NR6A1: variants seen among roughly 807,000 people sequenced by gnomAD.
NR6A1 encodes nuclear receptor subfamily 6 group A member 1.
Under a neutral mutation model 59.1 loss-of-function variants are expected in NR6A1, and 7 were observed. The ratio of observed to expected loss-of-function variants is 0.12; its 90% CI spans 0.07 to 0.22. The LOEUF (loss-of-function observed/expected upper bound fraction) is 0.22, where lower values mean the gene tolerates loss of function less well. Among genes scored for constraint, NR6A1 ranks in the 10% least tolerant of loss-of-function variants. NR6A1 has a pLI of 1.00. For missense variants in NR6A1, 468 were observed against 611.6 expected (o/e 0.77, Z 2.48); for synonymous variants, 243 against 236.1 (o/e 1.03, Z -0.27).
At chr9:124,735,464 T>C (rs932299168) in intron 1 of NR6A1, among the ~76,000 whole-genome samples, 6 of 152,214 alleles carry the variant, frequency 3.9e-5, no homozygotes, top group Admixed American at 3.9e-4. Flanking sequence ...TGGAAGGTGC[T>C]GAAATGCAGG....
chr9:124,566,960 T>C (rs568172061), intron 2 of NR6A1, among the ~76,000 whole-genome samples: 68 of 151,650 alleles, frequency 4.5e-4, no homozygotes, highest in Non-Finnish European at 7.2e-4. Flanking sequence ...TACAAAAAAT[T>C]AGCCGGGCGT....
intron 2 of NR6A1, chr9:124,599,172 G>A: frequency 1.8e-6 from 1 of 562,772 alleles, no homozygotes; most frequent in South Asian, 1.7e-5. Context: ...GCCGGGGGCG[G>A]TGGCTCACTC....
chr9:124,586,957 T>C (rs976062320), intron 2 of NR6A1, among the ~76,000 whole-genome samples: 2 of 152,246 alleles, frequency 1.3e-5, no homozygotes, highest in African/African-American at 4.8e-5. Context: ...AATAAAATGC[T>C]ATTAAACAGC....
chr9:124,582,118 G>A (rs969915089), intron 2 of NR6A1, among the ~76,000 whole-genome samples: 4 of 152,120 alleles, frequency 2.6e-5, no homozygotes, highest in Admixed American at 2.6e-4. Flanking sequence ...AAAGACATAT[G>A]TACATGTACA....
At chr9:124,735,768 C>T (rs1456693854) in intron 1 of NR6A1, among the ~76,000 whole-genome samples, 3 of 152,104 alleles carry the variant, frequency 2.0e-5, no homozygotes, top group Non-Finnish European at 4.4e-5. Flanking sequence ...GTTCTGGAGC[C>T]GTGAAGTCCA....
At chr9:124,764,183 C>CAAA (rs199757295) in intron 1 of NR6A1, among the ~76,000 whole-genome samples, 1 of 117,724 alleles carries the variant, frequency 8.5e-6, no homozygotes, top group Non-Finnish European at 1.9e-5. Flanking sequence ...GACTCCATCA[C>CAAA]AAAAAAAAAA....
intron 2 of NR6A1, among the ~76,000 whole-genome samples, chr9:124,689,574 T>A (rs899824489): frequency 1.3e-5 from 2 of 152,210 alleles, no homozygotes; most frequent in Admixed American, 6.5e-5. Flanking sequence ...CTTATTGGAT[T>A]TTCATGGCTG....
At chr9:124,703,817 T>C (rs1371049274) in intron 2 of NR6A1, among the ~76,000 whole-genome samples, 1 of 135,572 alleles carries the variant, frequency 7.4e-6, no homozygotes, top group Non-Finnish European at 1.6e-5. Flanking sequence ...GGATTAGTAT[T>C]ATTGCTTCCT....
intron 1 of NR6A1, among the ~76,000 whole-genome samples, chr9:124,745,378 T>C (rs566718702): frequency 6.2e-4 from 94 of 152,180 alleles, no homozygotes; most frequent in African/African-American, 2.3e-3. Flanking sequence ...AAACATACAT[T>C]AAAAAAATCC....
At chr9:124,550,375 A>ATTTTTTTTT (rs58594452) in intron 3 of NR6A1, among the ~76,000 whole-genome samples, 49 of 117,590 alleles carry the variant, frequency 4.2e-4, no homozygotes, top group Non-Finnish European at 4.9e-4. Context: ...CTAATGGTGA[A>ATTTTTTTTT]TTTTTTTTTT....
chr9:124,555,309 C>A (rs552844755), intron 2 of NR6A1, among the ~76,000 whole-genome samples: 1 of 152,096 alleles, frequency 6.6e-6, no homozygotes, highest in South Asian at 2.1e-4. Context: ...AGCAGGCACA[C>A]GACAAAAAAG....
chr9:124,643,101 T>TA (rs1554738785), intron 2 of NR6A1, among the ~76,000 whole-genome samples: 3 of 31,268 alleles, frequency 9.6e-5, no homozygotes, highest in East Asian at 5.5e-4. Context: ...AGCCCTCGGG[T>TA]GGGGGGGGGG....
chr9:124,669,722 G>A (rs113219007), intron 2 of NR6A1, among the ~76,000 whole-genome samples: 40 of 152,122 alleles, frequency 2.6e-4, no homozygotes, highest in Non-Finnish European at 4.7e-4. Context: ...AGAGGAATTC[G>A]AGTAGCTAAG....
chr9:124,763,085 T>C (rs1240395578), intron 1 of NR6A1, among the ~76,000 whole-genome samples: 2 of 152,196 alleles, frequency 1.3e-5, no homozygotes, highest in African/African-American at 2.4e-5. Flanking sequence ...GATCACAACA[T>C]AATCACACAA....
In NR6A1 at chr9:124,540,085, T is replaced by A; in HGVS notation, c.544A>T (p.Asn182Tyr). The change falls in exon 5 of 10, where the codon AAC (asparagine) becomes TAC (tyrosine). Residue 182 changes from asparagine (N) to tyrosine (Y), a missense_variant. Around this residue, in one of 4 missense-constraint regions of NR6A1, gnomAD observed 151 missense variants for 142.8 expected, o/e 1.06. Transcript: ENST00000487099. ...HGDSDHSSPG[N>Y]RASESNQPSP... is the part of the protein sequence containing the mutation. The stretch of plus-strand genomic sequence containing the variant: ...GGCTGGTTGCTCTCCGAAGCCCTGT[T>A]CCCAGGGGAACTGTGGTCACTATCA... The A allele has an allele frequency of 6.2e-7, 1 of 1,613,542 alleles. No individual in the cohort carries two copies. The highest frequency in any genetic ancestry group is 8.5e-7 in the Non-Finnish European group (1 of 1,179,882).
At chr9:124,584,872 G>C (rs1029012556) in intron 2 of NR6A1, among the ~76,000 whole-genome samples, 2 of 152,166 alleles carry the variant, frequency 1.3e-5, no homozygotes, top group African/African-American at 4.8e-5. Context: ...AGGAAGGCAC[G>C]TCAAAAGCAA....
At chr9:124,724,094 T>C (rs968146411) in intron 2 of NR6A1, among the ~76,000 whole-genome samples, 2 of 152,354 alleles carry the variant, frequency 1.3e-5, no homozygotes, top group East Asian at 3.9e-4. Context: ...TGAAATATCC[T>C]TCCGTTAAAA....
At chr9:124,570,614 G>A (rs1420145391) in intron 2 of NR6A1, among the ~76,000 whole-genome samples, 1 of 151,582 alleles carries the variant, frequency 6.6e-6, no homozygotes, top group Non-Finnish European at 1.5e-5. Flanking sequence ...TAGAAACTAA[G>A]CTGTTATTTG....
chr9:124,598,752 AC>A (rs1250858858), intron 2 of NR6A1: 2 of 946,582 alleles, frequency 2.1e-6, no homozygotes, highest in Non-Finnish European at 3.3e-6. Context: ...CTTCTCCTTC[AC>A]CGAAAGAGCT....
Sources: allele counts gnomAD v4.1 joint callset (sites outside exome capture counted in the v4.1 genomes callset), GRCh38; gene constraint gnomAD v4.1.1; regional missense constraint gnomAD v4.1.1; transcripts MANE v1.5; gene names NCBI Gene and HGNC (gene_info 2026-07-23, HGNC 2026-07-21).